The following NAV1 variants were observed in gnomAD, a reference collection of about 807,000 sequenced individuals.
NAV1 encodes the protein neuron navigator 1.
A neutral mutation model predicts 175.2 loss-of-function variants in NAV1; 18 were observed. That is an observed-to-expected ratio of 0.10 (90% CI 0.07 to 0.15). The LOEUF is 0.15. NAV1 is among the 10% of genes least tolerant of loss of function. The pLI, the probability that NAV1 is intolerant of heterozygous loss-of-function variation, is 1.00. For synonymous variants in NAV1, 897 were observed against 978.7 expected (o/e 0.92, Z 1.56); for missense variants, 1,731 against 2,436.6 (o/e 0.71, Z 6.10).
intron 1 of NAV1, among the ~76,000 whole-genome samples, chr1:201,566,437 C>T (rs1666358356): frequency 6.6e-6 from 1 of 152,100 alleles, no homozygotes; most frequent in Admixed American, 6.5e-5. Context: ...GGCCTTTCTC[C>T]CCTCCCTCAG....
At chr1:201,661,410 A>G (rs2102356583) in intron 1 of NAV1, among the ~76,000 whole-genome samples, 1 of 152,346 alleles carries the variant, frequency 6.6e-6, no homozygotes, top group Non-Finnish European at 1.5e-5. Context: ...TGGACAGAGC[A>G]AAGCCCTGGA....
At chr1:201,634,690 A>G (rs1229889982) in intron 2 of NAV1, among the ~76,000 whole-genome samples, 1 of 152,118 alleles carries the variant, frequency 6.6e-6, no homozygotes, top group Non-Finnish European at 1.5e-5. Flanking sequence ...TGGGAAGGGG[A>G]TTTATCTCAA....
chr1:201,612,206 C>T (rs567025729), intron 2 of NAV1, among the ~76,000 whole-genome samples: 13 of 152,298 alleles, frequency 8.5e-5, no homozygotes, highest in Admixed American at 6.5e-4. Flanking sequence ...ATGCCCAGCA[C>T]TTTGGGAGGC....
At chr1:201,570,820 C>G (rs1182188403) in intron 1 of NAV1, among the ~76,000 whole-genome samples, 2 of 152,236 alleles carry the variant, frequency 1.3e-5, no homozygotes, top group African/African-American at 4.8e-5. Flanking sequence ...AGAAGGCTGC[C>G]TCCACACATT....
chr1:201,786,437 T>C, exon 9 of NAV1: 1 of 1,612,724 alleles, frequency 6.2e-7, no homozygotes, highest in Non-Finnish European at 8.5e-7. Flanking sequence ...AGGTACCAGC[T>C]TCAGTCCCAG....
chr1:201,782,265 C>A lies in NAV1; in HGVS notation c.1753C>A (p.Arg585Ser). The A allele has an allele frequency of 6.2e-7, 1 of 1,614,184 alleles. No individual in the cohort carries two copies. The highest frequency in any genetic ancestry group is 8.5e-7 in the Non-Finnish European group (1 of 1,180,026). Residue 585 changes from arginine to serine, a missense_variant, in exon 6 of 30, where the codon CGC becomes AGC. Arg to Ser is a moderately radical substitution (Grantham distance 110). Coordinates refer to ENST00000367296, the Ensembl canonical transcript of NAV1. This position sits in a 1 kb window ranked among gnomAD's most constrained non-coding sequence, Gnocchi z 5.4. ...CTCCTCCTCTGATGCTGGTCGGGAC[C>A]GCCTGAGTGATGCTAAGAAGCCCCC...
At chr1:201,722,595 G>A (rs747866953) in intron 3 of NAV1, among the ~76,000 whole-genome samples, 12 of 152,134 alleles carry the variant, frequency 7.9e-5, no homozygotes, top group Middle Eastern at 3.4e-3. Context: ...CCCTGCTTTC[G>A]GTTCTTTTTG....
chr1:201,563,838 T>G (rs1666276350), intron 1 of NAV1, among the ~76,000 whole-genome samples: 1 of 152,082 alleles, frequency 6.6e-6, no homozygotes, highest in African/African-American at 2.4e-5. Flanking sequence ...CTCACACTTG[T>G]AATCCCAACA....
At chr1:201,648,481 G>A (rs1669058508) in exon 1 of NAV1, 3 of 1,219,758 alleles carry the variant, frequency 2.5e-6, no homozygotes, top group Middle Eastern at 6.3e-4. Context: ...TCTTTCCCCT[G>A]CGCCCTCGGC....
At chr1:201,767,447 C>T (rs6664751) in intron 3 of NAV1, among the ~76,000 whole-genome samples, 151,754 of 151,836 alleles carry the variant, frequency 1, 75,836 homozygotes, top group Non-Finnish European at 1. Flanking sequence ...CGAGACTCCG[C>T]CTCAAAAAAA....
At chr1:201,625,415 A>G (rs909981072) in intron 1 of NAV1, among the ~76,000 whole-genome samples, 2 of 152,204 alleles carry the variant, frequency 1.3e-5, no homozygotes, top group Admixed American at 1.3e-4. Flanking sequence ...ATTGACCGGA[A>G]GGCAGTGAAC....
intron 2 of NAV1, among the ~76,000 whole-genome samples, chr1:201,590,763 T>A (rs80118437): frequency 6.6e-6 from 1 of 152,102 alleles, no homozygotes; most frequent in African/African-American, 2.4e-5. Flanking sequence ...GTCTGAGAAC[T>A]CTTTTTGCCC....
chr1:201,739,530 C>T (rs1438749394), intron 3 of NAV1: 1 of 153,864 alleles, frequency 6.5e-6, no homozygotes, highest in African/African-American at 2.4e-5. Context: ...CAACTCCTTA[C>T]CCACCCGTGC....
At chr1:201,734,499 G>GAGAAAAAGAAGAAGA (rs1673018243) in intron 3 of NAV1, among the ~76,000 whole-genome samples, 1 of 121,060 alleles carries the variant, frequency 8.3e-6, no homozygotes, top group Non-Finnish European at 1.8e-5. Flanking sequence ...GAAGGAGAAG[G>GAGAAAAAGAAGAAGA]AGAAGAAGAA....
At chr1:201,642,211 T>TCCTC (rs1668787908) in intron 2 of NAV1, among the ~76,000 whole-genome samples, 2 of 136,536 alleles carry the variant, frequency 1.5e-5, no homozygotes, top group Non-Finnish European at 3.1e-5. Flanking sequence ...CTTTCTTCCT[T>TCCTC]CCCTCCTTTC....
At chr1:201,572,335 A>G (rs901119734) in intron 1 of NAV1, among the ~76,000 whole-genome samples, 2 of 151,084 alleles carry the variant, frequency 1.3e-5, no homozygotes, top group Non-Finnish European at 2.9e-5. Context: ...TGGAGTCAGG[A>G]GACTTGGATT....
At chr1:201,730,546 C>A (rs1672809914) in intron 3 of NAV1, among the ~76,000 whole-genome samples, 1 of 152,146 alleles carries the variant, frequency 6.6e-6, no homozygotes, top group Non-Finnish European at 1.5e-5. Context: ...GAGACTCTGT[C>A]TTCTCTCTCT....
intron 1 of NAV1, among the ~76,000 whole-genome samples, chr1:201,668,581 G>C (rs1669915742): frequency 6.6e-6 from 1 of 152,080 alleles, no homozygotes; most frequent in Non-Finnish European, 1.5e-5. Flanking sequence ...GCACCTTCTG[G>C]GGACTGAGAC....
chr1:201,657,058 G>A (rs1324348105), intron 1 of NAV1, among the ~76,000 whole-genome samples: 1 of 152,224 alleles, frequency 6.6e-6, no homozygotes, highest in Admixed American at 6.5e-5. Flanking sequence ...TCCCCAGACT[G>A]AGGCTGCTTC....
Sources: allele counts gnomAD v4.1 joint callset (sites outside exome capture counted in the v4.1 genomes callset), GRCh38; gene constraint gnomAD v4.1.1; non-coding constraint Gnocchi (gnomAD v3.1); transcripts MANE v1.5; gene names NCBI Gene and HGNC (gene_info 2026-07-23, HGNC 2026-07-21).